The following NRG4 variants were observed in gnomAD, a reference collection of about 807,000 sequenced individuals.
The protein encoded by NRG4 is pro-neuregulin-4, membrane-bound isoform.
A neutral mutation model predicts 15.0 loss-of-function variants in NRG4; 10 were observed. The observed-to-expected ratio is 0.67, with a 90% CI of 0.41 to 1.13. The LOEUF (loss-of-function observed/expected upper bound fraction) is 1.13. NRG4 is among the 50% of genes most tolerant of loss of function. NRG4 has a pLI of 0.00. For missense variants in NRG4, 139 were observed against 140.2 expected, an observed-to-expected ratio of 0.99 and a Z score of 0.04; for synonymous variants, 41 against 50.1, an observed-to-expected ratio of 0.82 and a Z score of 0.77.
At chr15:75,995,878 G>A (rs2034195935) in intron 3 of NRG4, among the ~76,000 whole-genome samples, 1 of 152,210 alleles carries the variant, frequency 6.6e-6, no homozygotes. Flanking sequence ...CTGTTAAGTA[G>A]AGAGGGTATT....
chr15:75,967,069 G>T (rs907954690), intron 3 of NRG4, among the ~76,000 whole-genome samples: 1 of 146,310 alleles, frequency 6.8e-6, no homozygotes, highest in Non-Finnish European at 1.5e-5. Flanking sequence ...AGCTGAGATC[G>T]CGCCGCTGCA....
intron 3 of NRG4, among the ~76,000 whole-genome samples, chr15:75,983,583 T>C (rs1011814592): frequency 1.3e-5 from 2 of 152,134 alleles, no homozygotes; most frequent in African/African-American, 4.8e-5. Context: ...ATAGATGATA[T>C]GATTATACAT....
At chr15:76,037,921 T>TACAATACTAGAC (rs148555479) in intron 4 of NRG4, among the ~76,000 whole-genome samples, 8 of 141,956 alleles carry the variant, frequency 5.6e-5, no homozygotes, top group Admixed American at 4.1e-4. Context: ...CACAGTCGGA[T>TACAATACTAGAC]ACAATACTAG....
intron 4 of NRG4, among the ~76,000 whole-genome samples, chr15:75,958,458 C>T (rs192660376): frequency 4.2e-4 from 64 of 152,232 alleles, no homozygotes; most frequent in African/African-American, 1.4e-3. Context: ...TTTTATTCTA[C>T]GTTTGGTAAT....
rs2030947058 is a variant in NRG4, at chr15:75,941,460, G to C, written c.*2178C>G. On this transcript the variant is annotated 3_prime_UTR_variant, in exon 6 of 6. Coordinates refer to ENST00000394907, the MANE Select transcript of NRG4 (RefSeq NM_138573.4). Reference sequence around the variant, plus strand: ...AATAATTGAAAGCGGAGGCTTGAGGGTATATTTGTATACCAGTGTTCACTG... The same window carrying C: ...AATAATTGAAAGCGGAGGCTTGAGGCTATATTTGTATACCAGTGTTCACTG... 1 of 152,094 alleles carries C rather than the reference G, an allele frequency of 6.6e-6. No individual in the cohort carries two copies. The highest frequency in any genetic ancestry group is 2.4e-5 in the African/African-American group (1 of 41,418). The allele number at this position is 152,094 out of a possible 1,614,324, so 9.4% of individuals were successfully genotyped here.
At chr15:76,056,486 T>C (rs1049553342) in intron 2 of NRG4, among the ~76,000 whole-genome samples, 2 of 151,136 alleles carry the variant, frequency 1.3e-5, no homozygotes, top group Non-Finnish European at 2.9e-5. Context: ...TAAATAAAAA[T>C]AAAATTAAAT....
intron 3 of NRG4, among the ~76,000 whole-genome samples, chr15:76,004,990 A>G (rs2034546136): frequency 6.6e-6 from 1 of 152,184 alleles, no homozygotes; most frequent in South Asian, 2.1e-4. Flanking sequence ...CTAATAACAT[A>G]AACAGTCAAT....
chr15:76,009,428 A>G (rs2034727246), intron 2 of NRG4, 135 bp from the exon 3 acceptor site: 5 of 543,122 alleles, frequency 9.2e-6, no homozygotes, highest in Non-Finnish European at 1.6e-5. Context: ...TCTCAAAATG[A>G]AAGATTTAAT....
upstream of NRG4, among the ~76,000 whole-genome samples, chr15:76,016,035 G>T (rs954174963): frequency 6.6e-6 from 1 of 152,160 alleles, no homozygotes; most frequent in Non-Finnish European, 1.5e-5. Context: ...CTTGTTATTG[G>T]TCTATTCAGG....
chr15:75,999,455 A>G (rs1039897622), intron 3 of NRG4, among the ~76,000 whole-genome samples: 5 of 152,146 alleles, frequency 3.3e-5, no homozygotes, highest in Admixed American at 2.6e-4. Flanking sequence ...ACTCTCTGCC[A>G]TGTGAGGACA....
At chr15:76,026,392 T>C (rs1490263419) in intron 5 of NRG4, among the ~76,000 whole-genome samples, 2 of 152,176 alleles carry the variant, frequency 1.3e-5, no homozygotes, top group Non-Finnish European at 2.9e-5. Flanking sequence ...ATAATCAAAG[T>C]ACTGAAAGAA....
At chr15:75,938,117 CT>C (rs1327714731), downstream of NRG4, 1 of 152,162 alleles carries the variant, frequency 6.6e-6, no homozygotes, top group Non-Finnish European at 1.5e-5. Context: ...TGGGACAAAG[CT>C]GATTTGTAAA....
At chr15:76,035,352 C>T (rs1453712768) in intron 5 of NRG4, among the ~76,000 whole-genome samples, 1 of 152,178 alleles carries the variant, frequency 6.6e-6, no homozygotes, top group Non-Finnish European at 1.5e-5. Context: ...GCAGACTTCC[C>T]TTCTTAATCA....
At position 76,001,134 on chromosome 15, in the gene NRG4, C is replaced by T. The variant is rs750539002; in HGVS notation, c.104+8066G>A. Among the ~76,000 whole-genome samples, 13 of 151,908 alleles carry T rather than the reference C, an allele frequency of 8.6e-5. No homozygotes were observed. The East Asian group carries it at 9.7e-4, about 11-fold the overall frequency. On this transcript the variant is annotated intron_variant, in intron 3 of 5. Transcript: ENST00000394907. ...CTGAGTAGCTGGGACTGTCAGCACA[C>T]GCCACCACACCTGGTATTTTTTTTG...
intron 5 of NRG4, among the ~76,000 whole-genome samples, chr15:75,953,776 T>C (rs1226082433): frequency 2.0e-5 from 3 of 152,238 alleles, no homozygotes; most frequent in African/African-American, 2.4e-5. Flanking sequence ...CACCGCAGCC[T>C]TGACCTCCTG....
intron 5 of NRG4, among the ~76,000 whole-genome samples, chr15:75,944,018 T>G (rs1301475336): frequency 6.6e-6 from 1 of 151,992 alleles, no homozygotes; most frequent in African/African-American, 2.4e-5. Flanking sequence ...GGGAAAAGAT[T>G]GCTAGAGTGA....
At chr15:76,042,547 G>A (rs1467536942) in intron 4 of NRG4, among the ~76,000 whole-genome samples, 1 of 151,974 alleles carries the variant, frequency 6.6e-6, no homozygotes, top group Non-Finnish European at 1.5e-5. Flanking sequence ...CCAATAAATT[G>A]AAAAGCCAAG....
chr15:75,964,387 T>C (rs1161810458), intron 3 of NRG4, among the ~76,000 whole-genome samples: 1 of 152,232 alleles, frequency 6.6e-6, no homozygotes, highest in African/African-American at 2.4e-5. Context: ...TATTTGTGAC[T>C]GCTAAAGGTT....
chr15:75,989,931 T>C (rs538518165), intron 3 of NRG4, among the ~76,000 whole-genome samples: 9 of 152,208 alleles, frequency 5.9e-5, no homozygotes, highest in Admixed American at 1.3e-4. Context: ...AGCTTGATTC[T>C]TTTAAGGCTT....
Sources: gnomAD v4.1 joint callset for allele counts (sites outside exome capture counted in the v4.1 genomes callset) on GRCh38, gnomAD v4.1.1 for gene constraint, MANE v1.5 for transcripts, NCBI Gene and HGNC (gene_info 2026-07-23, HGNC 2026-07-21) for gene names.